The following GRAMD2B variants were observed in gnomAD, a reference collection of about 807,000 sequenced individuals.
The protein encoded by GRAMD2B is GRAM domain-containing protein 2B.
A neutral mutation model predicts 59.2 loss-of-function variants in GRAMD2B; 41 were observed. The observed-to-expected ratio is 0.69, with a 90% CI of 0.54 to 0.90. The LOEUF (loss-of-function observed/expected upper bound fraction) is 0.90. GRAMD2B is among the 40% of genes least tolerant of loss of function. The pLI, the probability that GRAMD2B is intolerant of heterozygous loss-of-function variation, is 0.00. For missense variants in GRAMD2B, 424 were observed against 500.5 expected (o/e 0.85, Z 1.46); for synonymous variants, 161 against 182.7 (o/e 0.88, Z 0.96).
At chr5:126,455,025 C>G (rs577160927) in intron 1 of GRAMD2B, among the ~76,000 whole-genome samples, 45 of 152,290 alleles carry the variant, frequency 3.0e-4, no homozygotes, top group African/African-American at 1.0e-3. Context: ...CAATGCCATC[C>G]TCTCCATCCC....
intron 1 of GRAMD2B, among the ~76,000 whole-genome samples, chr5:126,451,165 G>T (rs1241808619): frequency 1.3e-5 from 2 of 152,238 alleles, no homozygotes; most frequent in African/African-American, 2.4e-5. Context: ...ACTGTCCGAG[G>T]CCTTGGGAGC....
chr5:126,452,423 C>T (rs1488967665), intron 1 of GRAMD2B, among the ~76,000 whole-genome samples: 1 of 152,178 alleles, frequency 6.6e-6, no homozygotes, highest in Non-Finnish European at 1.5e-5. Flanking sequence ...AACATTCAGA[C>T]CATAGCACCT....
At chr5:126,474,894 G>A (rs1770291241) in intron 5 of GRAMD2B, among the ~76,000 whole-genome samples, 1 of 152,166 alleles carries the variant, frequency 6.6e-6, no homozygotes, top group Non-Finnish European at 1.5e-5. Flanking sequence ...GCAGGCCATG[G>A]GAATAAGAAC....
chr5:126,450,738 C>G (rs1765200721), intron 1 of GRAMD2B, among the ~76,000 whole-genome samples: 1 of 151,360 alleles, frequency 6.6e-6, no homozygotes, highest in South Asian at 2.1e-4. Flanking sequence ...GGCCCAGGTA[C>G]AGCTCGGGCT....
intron 1 of GRAMD2B, among the ~76,000 whole-genome samples, chr5:126,401,550 T>A (rs1757835795): frequency 6.6e-6 from 1 of 152,050 alleles, no homozygotes; most frequent in Admixed American, 6.6e-5. Context: ...TATCTTCACA[T>A]TTGAAGAATC....
At chr5:126,369,885 T>C (rs908503766), upstream of GRAMD2B, among the ~76,000 whole-genome samples, 3 of 152,216 alleles carry the variant, frequency 2.0e-5, no homozygotes. Context: ...GAAACTCCCA[T>C]GCAGGTTGTT....
chr5:126,379,064 C>A (rs948265444), intron 1 of GRAMD2B, among the ~76,000 whole-genome samples: 3 of 152,070 alleles, frequency 2.0e-5, no homozygotes, highest in African/African-American at 2.4e-5. Flanking sequence ...CCCCTCCCAC[C>A]CTTTCCCCCA....
intron 1 of GRAMD2B, among the ~76,000 whole-genome samples, chr5:126,457,742 C>T (rs1454598410): frequency 8.7e-6 from 1 of 114,824 alleles, no homozygotes; most frequent in African/African-American, 2.7e-5. Flanking sequence ...AGAGGGAACA[C>T]TAGGGCACAG....
At chr5:126,380,964 T>C (rs1186391678) in intron 1 of GRAMD2B, among the ~76,000 whole-genome samples, 3 of 152,212 alleles carry the variant, frequency 2.0e-5, no homozygotes, top group African/African-American at 7.2e-5. Flanking sequence ...AGAGTGGACA[T>C]CCTTGTGCTG....
chr5:126,458,701 CT>C (rs1166286713), intron 1 of GRAMD2B: 9 of 152,180 alleles, frequency 5.9e-5, no homozygotes, highest in African/African-American at 2.2e-4. Flanking sequence ...GCAATGACCC[CT>C]CTGATGCTTT....
At chr5:126,406,482 T>C (rs921409166) in intron 1 of GRAMD2B, among the ~76,000 whole-genome samples, 1 of 151,908 alleles carries the variant, frequency 6.6e-6, no homozygotes, top group African/African-American at 2.4e-5. Flanking sequence ...TAGATCAATA[T>C]GCAGAATATT....
chr5:126,363,427 T>C (rs918308414), intron 1 of GRAMD2B, among the ~76,000 whole-genome samples: 1 of 152,216 alleles, frequency 6.6e-6, no homozygotes, highest in Non-Finnish European at 1.5e-5. Flanking sequence ...CTCAAAAAGT[T>C]AAATATAGCA....
At chr5:126,391,584 C>A (rs980718435) in intron 1 of GRAMD2B, among the ~76,000 whole-genome samples, 1 of 152,026 alleles carries the variant, frequency 6.6e-6, no homozygotes, top group African/African-American at 2.4e-5. Context: ...TGTGGTATGT[C>A]CATGCAACGG....
chr5:126,486,064 TA>T (rs1772855218), intron 11 of GRAMD2B, among the ~76,000 whole-genome samples: 1 of 152,206 alleles, frequency 6.6e-6, no homozygotes, highest in Admixed American at 6.5e-5. Flanking sequence ...TTTTTTACCT[TA>T]TTTTTTTAAT....
upstream of GRAMD2B, among the ~76,000 whole-genome samples, chr5:126,366,414 T>C (rs897822653): frequency 6.6e-6 from 1 of 152,164 alleles, no homozygotes; most frequent in Admixed American, 6.5e-5. Context: ...ATCTTTCACT[T>C]ATATCATATG....
chr5:126,469,621 C>T, intron 2 of GRAMD2B, 56 bp from the exon 3 acceptor site: 2 of 1,178,736 alleles, frequency 1.7e-6, no homozygotes, highest in East Asian at 5.3e-5. Flanking sequence ...GGCAACAGAG[C>T]AAAACTGTCT....
intron 1 of GRAMD2B, among the ~76,000 whole-genome samples, chr5:126,386,857 C>T (rs1188362831): frequency 6.6e-6 from 1 of 152,126 alleles, no homozygotes; most frequent in Non-Finnish European, 1.5e-5. Flanking sequence ...ATTGTTATCA[C>T]TATAGCTACA....
At chr5:126,366,885 C>T (rs907583941), upstream of GRAMD2B, among the ~76,000 whole-genome samples, 4 of 127,710 alleles carry the variant, frequency 3.1e-5, no homozygotes, top group Non-Finnish European at 6.4e-5. Flanking sequence ...GATGGAGTCT[C>T]GCTCTGTTAC....
intron 1 of GRAMD2B, among the ~76,000 whole-genome samples, chr5:126,376,216 T>A (rs1417117006): frequency 6.6e-6 from 1 of 152,200 alleles, no homozygotes; most frequent in Non-Finnish European, 1.5e-5. Flanking sequence ...CACCATGGCC[T>A]TTGGGAGTAC....
Sources: gnomAD v4.1 joint callset for allele counts (sites outside exome capture counted in the v4.1 genomes callset) on GRCh38, gnomAD v4.1.1 for gene constraint, MANE v1.5 for transcripts, NCBI Gene and HGNC (gene_info 2026-07-23, HGNC 2026-07-21) for gene names.